The following CMYA5 variants were observed in gnomAD, a reference collection of about 807,000 sequenced individuals.
CMYA5 encodes the protein cardiomyopathy-associated protein 5.
A neutral mutation model predicts 318.9 loss-of-function variants in CMYA5; 246 were observed. The ratio of observed to expected loss-of-function variants is 0.77; its 90% CI spans 0.70 to 0.86. The LOEUF (loss-of-function observed/expected upper bound fraction) is 0.86. Ranked by LOEUF, CMYA5 falls within the 40% of genes least tolerant of loss-of-function variation. The pLI is 0.00. For synonymous variants in CMYA5, 1,641 were observed against 1,729.5 expected (o/e 0.95, Z 1.27); for missense variants, 4,589 against 4,678.2 (o/e 0.98, Z 0.56).
In CMYA5 at chr5:79,733,427, C is replaced by T; in HGVS notation, c.4662C>T (p.Ser1554=). 1 of 1,613,760 alleles carries T rather than the reference C, an allele frequency of 6.2e-7. No individual in the cohort carries two copies. ...CATCACAAAATGTGTCACCTGCATC[C>T]AAACATATAATCCCAAAAGGCAAAG... The part of the protein sequence containing the change: ...LPSSQNVSPA[S]KHIIPKGKDE... The change falls in exon 2 of 13, where the codon TCC becomes TCT. Residue 1554 remains serine (S), a synonymous_variant. Coordinates refer to ENST00000446378, the MANE Select transcript of CMYA5 (RefSeq NM_153610.5).
chr5:79,799,862 T>TAATGATAC lies in CMYA5; in HGVS notation c.*246_*247insAATGATAC. On this transcript the variant is annotated 3_prime_UTR_variant, in exon 13 of 13. Coordinates refer to ENST00000446378, the MANE Select transcript of CMYA5 (RefSeq NM_153610.5). Reference sequence around the variant, plus strand: ...TTAGTTTATATAAGTTTGAGTTCTTTCCTAAATTAAAAGATCTACACTTGA... The same window carrying TAATGATAC: ...TTAGTTTATATAAGTTTGAGTTCTTTAATGATACCCTAAATTAAAAGATCTACACTTGA... 1 of 200,588 alleles carries TAATGATAC rather than the reference T, an allele frequency of 5.0e-6. No individual in the cohort carries two copies. Among genetic ancestry groups the TAATGATAC allele is most frequent in the Non-Finnish European group, 9.3e-6 (1 of 108,008 alleles). 12.4% of individuals were successfully genotyped at this position (200,588 alleles called of 1,614,324 possible).
chr5:79,738,463 G>T lies in CMYA5; in HGVS notation c.9698G>T (p.Gly3233Val). The T allele has an allele frequency of 6.2e-7, 1 of 1,613,704 alleles. No individual in the cohort carries two copies. The highest frequency in any genetic ancestry group is 1.7e-5 in the Admixed American group (1 of 59,954). ...AGCAGAAATTCTGACACTGATGATG[G>T]AACAGGAATATATTTTGAGAAGTAC... is the stretch of plus-strand genomic sequence containing the variant. ...FPSRNSDTDD[G>V]TGIYFEKYIL... The change falls in exon 2 of 13, where the codon GGA becomes GTA. Residue 3233 changes from glycine to valine, a missense_variant. Physicochemically the swap from Gly to Val is moderately radical, Grantham distance 109 (BLOSUM62 -3). Coordinates refer to ENST00000446378, the MANE Select transcript of CMYA5 (RefSeq NM_153610.5).
At chr5:79,702,650 T>C (rs75805229) in intron 1 of CMYA5, among the ~76,000 whole-genome samples, 3,224 of 152,208 alleles carry the variant, frequency 0.021, 110 homozygotes, top group African/African-American at 0.072. Flanking sequence ...GGGTGTCTTT[T>C]TGGGGTGATG....
In CMYA5 at chr5:79,731,844, T is replaced by G. The variant is rs755193590; in HGVS notation, c.3079T>G (p.Leu1027Val). The G allele has an allele frequency of 1.9e-6, 3 of 1,613,310 alleles. No individual in the cohort carries two copies. Among genetic ancestry groups the G allele is most frequent in the Non-Finnish European group, 2.5e-6 (3 of 1,179,754 alleles). The change falls in exon 2 of 13, where the codon TTA becomes GTA. Residue 1027 changes from leucine to valine, a missense_variant. This residue lies in a region of CMYA5 where 2,132 missense variants were observed against 2,131.3 expected (regional missense o/e 1.00). Transcript: ENST00000446378. The part of the protein sequence containing the change: ...EKNELEPDSL[L>V]TAVSASGYSC... ...AAATGAACTTGAGCCTGATTCACTA[T>G]TAACTGCAGTGTCTGCTTCAGGTTA...
chr5:79,766,816 T>G (rs1164873132), intron 9 of CMYA5, among the ~76,000 whole-genome samples: 2 of 152,228 alleles, frequency 1.3e-5, no homozygotes, highest in African/African-American at 4.8e-5. Flanking sequence ...GATGCTAGCC[T>G]CATAAAATGA....
Position 79,799,409 on chromosome 5 carries a change from T to C in CMYA5, c.12003T>C (p.His4001=), listed in dbSNP as rs2151102597. ...ACAGTGGTATTGTGAGTGATGTTCATGTGACTGAGCGTCCAGCCAGAGTGG... is the reference window on the plus strand; with the variant it reads ...ACAGTGGTATTGTGAGTGATGTTCACGTGACTGAGCGTCCAGCCAGAGTGG... ...FFYSGIVSDV[H]VTERPARVGI... is the part of the protein sequence containing the mutation. The change falls in exon 13 of 13, where the codon CAT becomes CAC. Residue 4001 remains histidine, a synonymous_variant. Transcript: ENST00000446378. The C allele has an allele frequency of 6.2e-7, 1 of 1,613,684 alleles. No homozygotes were observed. Among genetic ancestry groups the C allele is most frequent in the Non-Finnish European group, 8.5e-7 (1 of 1,179,596 alleles).
intron 6 of CMYA5, among the ~76,000 whole-genome samples, chr5:79,757,474 T>C (rs922141347): frequency 1.2e-4 from 18 of 152,214 alleles, no homozygotes; most frequent in African/African-American, 3.4e-4. Flanking sequence ...GGCTACTTTT[T>C]CTGTAGTTTT....
chr5:79,733,394 A>ACTTC lies in CMYA5; in HGVS notation c.4634_4637dup (p.Ser1547PhefsTer19). The stretch of plus-strand genomic sequence containing the variant: ...GTGAGATAAAGAAGAAAGAAACTGA[A>ACTTC]CTTCCTTCATCACAAAATGTGTCAC... On this transcript the variant is annotated frameshift_variant, in exon 2 of 13. Transcript: ENST00000446378. LOFTEE classifies it high-confidence loss of function. 1 of 1,613,590 alleles carries ACTTC rather than the reference A, an allele frequency of 6.2e-7. No homozygotes were observed. Among genetic ancestry groups the ACTTC allele is most frequent in the Admixed American group, 1.7e-5 (1 of 59,980 alleles).
At position 79,729,683 on chromosome 5, in the gene CMYA5, A is replaced by T. The variant is rs2151084192; in HGVS notation, c.918A>T (p.Ala306=). Residue 306 remains alanine, a synonymous_variant, in exon 2 of 13, where the codon GCA becomes GCT. Coordinates refer to ENST00000446378, the MANE Select transcript of CMYA5 (RefSeq NM_153610.5). ...VKEVFPPWRG[A]LSKGSESLTL... is the part of the protein sequence containing the mutation. ...AGGTTTTTCCACCCTGGAGAGGCGC[A>T]CTCTCCAAAGGATCAGAGTCCCTAA... 3.1e-6 allele frequency: 5 copies of T among 1,613,640 alleles called. No homozygotes were observed. The highest frequency in any genetic ancestry group is 4.2e-6 in the Non-Finnish European group (5 of 1,179,674).
intron 2 of CMYA5, 35 bp downstream of exon 2, chr5:79,739,438 T>C: frequency 7.3e-7 from 1 of 1,368,396 alleles, no homozygotes; most frequent in Non-Finnish European, 9.6e-7. Context: ...ATTAATAATA[T>C]ATATATACAC....
chr5:79,737,079 G>T lies in CMYA5; in HGVS notation c.8314G>T (p.Gly2772Cys), dbSNP rs773698813. 6.2e-7 allele frequency: 1 copy of T among 1,613,606 alleles called. No individual in the cohort carries two copies. Among genetic ancestry groups the T allele is most frequent in the Non-Finnish European group, 8.5e-7 (1 of 1,179,808 alleles). Residue 2772 changes from glycine to cysteine, a missense_variant, in exon 2 of 13, where the codon GGT (glycine) becomes TGT (cysteine). Around this residue, in one of 3 missense-constraint regions of CMYA5, gnomAD observed 2,431 missense variants for 2,495.1 expected, o/e 0.97. Coordinates refer to ENST00000446378, the MANE Select transcript of CMYA5 (RefSeq NM_153610.5). ...EQFKESELWK[G>C]GSVDITKESM... is the part of the protein sequence containing the mutation. ...GTTCAAAGAGTCAGAGCTATGGAAAGGTGGTTCAGTAGATATCACAAAAGA... is the reference window on the plus strand; with the variant it reads ...GTTCAAAGAGTCAGAGCTATGGAAATGTGGTTCAGTAGATATCACAAAAGA...
intron 9 of CMYA5, among the ~76,000 whole-genome samples, chr5:79,764,148 C>G (rs1828706503): frequency 6.6e-6 from 1 of 152,006 alleles, no homozygotes; most frequent in Admixed American, 6.6e-5. Context: ...CTATCCCTCC[C>G]CTACCCCCCT....
At position 79,736,433 on chromosome 5, in the gene CMYA5, A is replaced by C; in HGVS notation, c.7668A>C (p.Glu2556Asp). The C allele has an allele frequency of 6.2e-6, 10 of 1,609,206 alleles. No homozygotes were observed. Among genetic ancestry groups the C allele is most frequent in the Non-Finnish European group, 8.5e-6 (10 of 1,177,474 alleles). ...YVLSEGKKQQ[E>D]HQPYSVNVAE... is the part of the protein sequence containing the mutation. ...TTTCAGAAGGAAAGAAGCAGCAGGAACATCAGCCTTATTCTGTGAATGTAG... is the reference window on the plus strand; with the variant it reads ...TTTCAGAAGGAAAGAAGCAGCAGGACCATCAGCCTTATTCTGTGAATGTAG... The change falls in exon 2 of 13, where the codon GAA (glutamate) becomes GAC (aspartate). Residue 2556 changes from glutamate to aspartate, a missense_variant. By Grantham distance (45) the Glu-to-Asp change is conservative. Coordinates refer to ENST00000446378, the MANE Select transcript of CMYA5 (RefSeq NM_153610.5).
At chr5:79,722,400 T>C (rs1198073852) in intron 1 of CMYA5, among the ~76,000 whole-genome samples, 1 of 152,120 alleles carries the variant, frequency 6.6e-6, no homozygotes, top group Non-Finnish European at 1.5e-5. Context: ...ATCTTGGCTA[T>C]GTGCAGTGGC....
At chr5:79,705,334 C>A (rs1400759614) in intron 1 of CMYA5, among the ~76,000 whole-genome samples, 1 of 151,942 alleles carries the variant, frequency 6.6e-6, no homozygotes, top group East Asian at 1.9e-4. Flanking sequence ...GTGCTCTAAG[C>A]CAGAGCTAGC....
At chr5:79,792,028 A>G (rs1156939066) in intron 11 of CMYA5, among the ~76,000 whole-genome samples, 1 of 152,324 alleles carries the variant, frequency 6.6e-6, no homozygotes, top group East Asian at 1.9e-4. Context: ...GCTCCCAAGA[A>G]GGCACTGAGC....
chr5:79,704,380 A>C (rs1827229669), intron 1 of CMYA5, among the ~76,000 whole-genome samples: 1 of 151,976 alleles, frequency 6.6e-6, no homozygotes, highest in African/African-American at 2.4e-5. Context: ...AGTTCACCCA[A>C]AGTAGAGCGA....
chr5:79,797,929 G>A (rs866599706), intron 12 of CMYA5, among the ~76,000 whole-genome samples: 1 of 152,056 alleles, frequency 6.6e-6, no homozygotes, highest in South Asian at 2.1e-4. Flanking sequence ...TTCTGGCTGA[G>A]TGTGAGCCCT....
At chr5:79,719,154 A>C (rs115360215) in intron 1 of CMYA5, among the ~76,000 whole-genome samples, 1 of 152,208 alleles carries the variant, frequency 6.6e-6, no homozygotes, top group Non-Finnish European at 1.5e-5. Flanking sequence ...ATATTGATGA[A>C]GAAATGTGGG....
Sources: gnomAD v4.1 joint callset for allele counts (sites outside exome capture counted in the v4.1 genomes callset) on GRCh38, gnomAD v4.1.1 for gene constraint, gnomAD v4.1.1 regional missense constraint, MANE v1.5 for transcripts, NCBI Gene and HGNC (gene_info 2026-07-23, HGNC 2026-07-21) for gene names.